The following TSPAN3 variants were observed in gnomAD, a reference collection of about 807,000 sequenced individuals.
TSPAN3 encodes tetraspanin-3.
TSPAN3 carries 9 observed loss-of-function variants against 31.1 expected under a neutral mutation model. The ratio of observed to expected loss-of-function variants is 0.29; its 90% confidence interval spans 0.17 to 0.50. The LOEUF is 0.50. TSPAN3 is among the 20% of genes least tolerant of loss of function. The pLI, the probability that TSPAN3 is intolerant of heterozygous loss-of-function variation, is 0.98. For missense variants in TSPAN3, 252 were observed against 313.5 expected, an observed-to-expected ratio of 0.80 and a Z score of 1.48; for synonymous variants, 129 against 114.3, an observed-to-expected ratio of 1.13 and a Z score of -0.82.
At chr15:77,064,818 T>C (rs1013848776) in intron 1 of TSPAN3, 14 of 152,244 alleles carry the variant, frequency 9.2e-5, no homozygotes, top group Non-Finnish European at 1.9e-4. Flanking sequence ...CAGTCATTCA[T>C]GATAGGAGAA....
rs1293242676 is a variant in TSPAN3 at position 77,044,238 on chromosome 15, G to A, written c.*2597C>T. ...TGCTTCCAATGTGCAGCCACGGGCA[G>A]GAAACACCAGCCTAGTGGGTGAGCT... On this transcript the variant is annotated 3_prime_UTR_variant, in exon 7 of 7. Coordinates refer to ENST00000267970, the MANE Select transcript of TSPAN3 (RefSeq NM_005724.6). The A allele has an allele frequency of 2.0e-5, 3 of 152,226 alleles. No homozygotes were observed. 9.4% of individuals were successfully genotyped at this position (152,226 alleles called of 1,614,324 possible). A position where few individuals can be genotyped will look rare whatever the true frequency, so the allele number is the denominator to read the frequency against.
At chr15:77,052,332 G>A (rs2152695595) in intron 6 of TSPAN3, 53 bp downstream of exon 6, 2 of 1,508,492 alleles carry the variant, frequency 1.3e-6, no homozygotes, top group Non-Finnish European at 1.8e-6. Flanking sequence ...ATTCAGGGCT[G>A]ACAACAGAGA....
chr15:77,068,457 G>C (rs190482080), intron 1 of TSPAN3: 24 of 152,130 alleles, frequency 1.6e-4, no homozygotes, highest in Non-Finnish European at 2.8e-4. Flanking sequence ...CTAATTTAAA[G>C]AAAATGGTTA....
At chr15:77,058,358 A>T (rs944481951) in intron 1 of TSPAN3, among the ~76,000 whole-genome samples, 1 of 152,176 alleles carries the variant, frequency 6.6e-6, no homozygotes, top group African/African-American at 2.4e-5. Flanking sequence ...ACCCAAATGG[A>T]CCACATATTC....
Position 77,051,234 on chromosome 15 carries a change from AG to A in TSPAN3, c.669+1150del, listed in dbSNP as rs1330894175. Among the ~76,000 whole-genome samples, 6 of 152,184 alleles carry A rather than the reference AG, an allele frequency of 3.9e-5. No individual in the cohort carries two copies. The East Asian group carries it at 9.7e-4, about 25-fold the overall frequency. On this transcript the variant is annotated intron_variant, in intron 6 of 6. Transcript: ENST00000267970. The stretch of plus-strand genomic sequence containing the variant: ...TTGAAATAGGTTTCAGGCTTAAGAA[AG>A]CATAAGCTGAGGCTGGGCGCGATGG...
chr15:77,063,306 T>C (rs2076811171), intron 1 of TSPAN3: 1 of 152,240 alleles, frequency 6.6e-6, no homozygotes, highest in Admixed American at 6.5e-5. Flanking sequence ...CAAGTTTTTT[T>C]TAAAGTCCTA....
Position 77,046,079 on chromosome 15 carries a change from G to C in TSPAN3, c.*756C>G, listed in dbSNP as rs2076689234. The C allele has an allele frequency of 8.7e-6, 2 of 228,960 alleles. No individual in the cohort carries two copies. The highest frequency in any genetic ancestry group is 1.7e-5 in the Non-Finnish European group (2 of 118,596). The allele number at this position is 228,960 out of a possible 1,614,324, so 14.2% of individuals were successfully genotyped here. A position where few individuals can be genotyped will look rare whatever the true frequency, so the allele number is the denominator to read the frequency against. On this transcript the variant is annotated 3_prime_UTR_variant, in exon 7 of 7. Transcript: ENST00000267970. The stretch of plus-strand genomic sequence containing the variant: ...ATTAGATTTTTCTATTTACAACTGA[G>C]ATCACATCTACATACTATTTTGCTA...
At position 77,045,375 on chromosome 15, in the gene TSPAN3, C is replaced by T. The variant is rs2076684292; in HGVS notation, c.*1460G>A. 6.6e-6 allele frequency: 1 copy of T among 152,446 alleles called. No individual in the cohort carries two copies. The highest frequency in any genetic ancestry group is 1.5e-5 in the Non-Finnish European group (1 of 68,132). 9.4% of individuals were successfully genotyped at this position (152,446 alleles called of 1,614,324 possible). A position where few individuals can be genotyped will look rare whatever the true frequency, so the allele number is the denominator to read the frequency against. ...CTGCTATGCCAGCCTAACTGAAGCCCAGTCACACCAATTCATCCTGGCTTC... is the reference window on the plus strand; with the variant it reads ...CTGCTATGCCAGCCTAACTGAAGCCTAGTCACACCAATTCATCCTGGCTTC... On this transcript the variant is annotated 3_prime_UTR_variant, in exon 7 of 7. Coordinates refer to ENST00000267970, the MANE Select transcript of TSPAN3 (RefSeq NM_005724.6).
In TSPAN3 at chr15:77,045,881, T is replaced by G. The variant is rs1182684129; in HGVS notation, c.*954A>C. On this transcript the variant is annotated 3_prime_UTR_variant, in exon 7 of 7. Transcript: ENST00000267970. ...TACTGGACTGAAAGCATCTGTGGTTTTTTGAATATCAAGCCCTTTAGAATC... is the reference window on the plus strand; with the variant it reads ...TACTGGACTGAAAGCATCTGTGGTTGTTTGAATATCAAGCCCTTTAGAATC... 6.6e-6 allele frequency: 1 copy of G among 152,254 alleles called. No homozygotes were observed. The highest frequency in any genetic ancestry group is 2.4e-5 in the African/African-American group (1 of 41,456). 9.4% of individuals were successfully genotyped at this position (152,254 alleles called of 1,614,324 possible).
At chr15:77,058,153 T>C (rs1287339309) in intron 1 of TSPAN3, among the ~76,000 whole-genome samples, 2 of 152,210 alleles carry the variant, frequency 1.3e-5, no homozygotes, top group Non-Finnish European at 2.9e-5. Flanking sequence ...ATCTTACTTA[T>C]TGACTCTCCC....
At chr15:77,047,549 T>C (rs2076702319) in intron 6 of TSPAN3, among the ~76,000 whole-genome samples, 1 of 152,244 alleles carries the variant, frequency 6.6e-6, no homozygotes, top group South Asian at 2.1e-4. Flanking sequence ...TCACATTCAC[T>C]ATTTTTGAAA....
At position 77,053,451 on chromosome 15, in the gene TSPAN3, C is replaced by CAAAAAAAAAAAAAAAAAAAAAAAAAA. The variant is rs60483848; in HGVS notation, c.433-548_433-523dup. Among the ~76,000 whole-genome samples the CAAAAAAAAAAAAAAAAAAAAAAAAAA allele has an allele frequency of 1.8e-4, 9 of 50,378 alleles. 2 individuals carry two copies. Among genetic ancestry groups the CAAAAAAAAAAAAAAAAAAAAAAAAAA allele is most frequent in the African/African-American group, 4.8e-4 (4 of 8,284 alleles). The allele number at this position is 50,378 out of a possible 152,430, so 33.0% of individuals were successfully genotyped here. A position where few individuals can be genotyped will look rare whatever the true frequency, so the allele number is the denominator to read the frequency against. On this transcript the variant is annotated intron_variant, in intron 4 of 6. Coordinates refer to ENST00000267970, the MANE Select transcript of TSPAN3 (RefSeq NM_005724.6). ...CAACAAGAGTGAAATTTCGCCATCT[C>CAAAAAAAAAAAAAAAAAAAAAAAAAA]AAAAAAAAAAAAAAAAAAAAAAAAA... is the stretch of plus-strand genomic sequence containing the variant.
At chr15:77,067,163 T>A (rs540681266) in intron 1 of TSPAN3, among the ~76,000 whole-genome samples, 6 of 152,156 alleles carry the variant, frequency 3.9e-5, no homozygotes, top group African/African-American at 1.4e-4. Flanking sequence ...AGTTTCAACA[T>A]GAGTTTTATA....
chr15:77,051,773 G>A (rs1016146425), intron 6 of TSPAN3, among the ~76,000 whole-genome samples: 17 of 151,926 alleles, frequency 1.1e-4, no homozygotes, highest in African/African-American at 3.1e-4. Context: ...CAGGAGGATC[G>A]CTTGAGCCCA....
At position 77,052,477 on chromosome 15, in the gene TSPAN3, AAC is replaced by A; in HGVS notation, c.586-11_586-10del. On this transcript the variant is annotated splice_polypyrimidine_tract_variant and intron_variant, in intron 5 of 6. Transcript: ENST00000267970. ...ACTAGAGCCTCACACCCCTGTAACA[AAC>A]ACAGTCATCCTCGTTAGAAGTGTTC... The A allele has an allele frequency of 1.2e-6, 2 of 1,611,944 alleles. No homozygotes were observed. Among genetic ancestry groups the A allele is most frequent in the Non-Finnish European group, 1.7e-6 (2 of 1,177,998 alleles).
Position 77,055,496 on chromosome 15 carries a change from A to G in TSPAN3, c.330+293T>C, listed in dbSNP as rs929720814. On this transcript the variant is annotated intron_variant, in intron 3 of 6. Transcript: ENST00000267970. ...ATCAGAAAATTATGCCTCCCCTCAT[A>G]TAGGCAATCTGTGTGCTGAGGAAAT... 2.8e-5 allele frequency: 7 copies of G among 253,994 alleles called. No individual in the cohort carries two copies. In the East Asian group the frequency reaches 5.6e-4, roughly 20 times the overall value. The allele number at this position is 253,994 out of a possible 1,614,324, so 15.7% of individuals were successfully genotyped here. A position where few individuals can be genotyped will look rare whatever the true frequency, so the allele number is the denominator to read the frequency against.
At chr15:77,066,113 TAATC>T (rs1349666895) in intron 1 of TSPAN3, among the ~76,000 whole-genome samples, 2 of 152,246 alleles carry the variant, frequency 1.3e-5, no homozygotes, top group Admixed American at 1.3e-4. Flanking sequence ...CTTGATTAAA[TAATC>T]AATTAATTTA....
At position 77,046,496 on chromosome 15, in the gene TSPAN3, C is replaced by T; in HGVS notation, c.*339G>A. On this transcript the variant is annotated 3_prime_UTR_variant, in exon 7 of 7. Coordinates refer to ENST00000267970, the MANE Select transcript of TSPAN3 (RefSeq NM_005724.6). ...TGTGAAGACTGAAAGGACCTGGTGACATTTCGGCATCAGTCCTGTTACCAC... is the reference window on the plus strand; with the variant it reads ...TGTGAAGACTGAAAGGACCTGGTGATATTTCGGCATCAGTCCTGTTACCAC... The T allele has an allele frequency of 2.4e-6, 1 of 422,468 alleles. No individual in the cohort carries two copies. 26.2% of individuals were successfully genotyped at this position (422,468 alleles called of 1,614,324 possible).
chr15:77,057,055 A>T (rs1039700785), intron 1 of TSPAN3, among the ~76,000 whole-genome samples: 7 of 152,200 alleles, frequency 4.6e-5, no homozygotes, highest in Non-Finnish European at 1.0e-4. Context: ...GTGAACACAC[A>T]AAGACAAGTG....
Sources: allele counts gnomAD v4.1 joint callset (sites outside exome capture counted in the v4.1 genomes callset), GRCh38; gene constraint gnomAD v4.1.1; transcripts MANE v1.5; gene names NCBI Gene and HGNC (gene_info 2026-07-23, HGNC 2026-07-21).